ZZZ3: variants seen among roughly 807,000 people sequenced by gnomAD.
ZZZ3 encodes ZZ-type zinc finger-containing protein 3.
Under a neutral mutation model 95.2 loss-of-function variants are expected in ZZZ3, and 22 were observed. The ratio of observed to expected loss-of-function variants is 0.23; its 90% CI spans 0.17 to 0.33. The LOEUF (loss-of-function observed/expected upper bound fraction) is 0.33. ZZZ3 is among the 10% of genes least tolerant of loss of function. The pLI is 1.00. For missense variants in ZZZ3, 885 were observed against 1,066.5 expected (o/e 0.83, Z 2.37); for synonymous variants, 335 against 358.9 (o/e 0.93, Z 0.75).
At position 77,631,936 on chromosome 1, in the gene ZZZ3, G is replaced by C. The variant is rs750203066; in HGVS notation, c.1419C>G (p.Ala473=). The stretch of plus-strand genomic sequence containing the variant: ...CTTCCTCTTCTGTAATGTGCTGACT[G>C]GCACTCTCTTTGGCAGATGGCAAAT... ...IGHLPSAKES[A]SQHITEEEDD... Residue 473 remains alanine (A), a synonymous_variant, in exon 5 of 15, where the codon GCC becomes GCG. Transcript: ENST00000370801. The C allele has an allele frequency of 1.9e-6, 3 of 1,613,892 alleles. No individual in the cohort carries two copies. The highest frequency in any genetic ancestry group is 2.5e-6 in the Non-Finnish European group (3 of 1,179,950).
intron 1 of ZZZ3, among the ~76,000 whole-genome samples, chr1:77,647,724 C>T (rs751252369): frequency 7.2e-5 from 11 of 152,108 alleles, no homozygotes; most frequent in East Asian, 1.9e-4. Context: ...TTTTAACAAT[C>T]GGCTCTCATG....
chr1:77,601,248 G>A (rs563733860), intron 5 of ZZZ3, among the ~76,000 whole-genome samples: 6 of 152,192 alleles, frequency 3.9e-5, no homozygotes, highest in Non-Finnish European at 5.9e-5. Flanking sequence ...CTACCAAACC[G>A]ACTACTAATG....
At chr1:77,628,152 G>A (rs1168507888) in intron 5 of ZZZ3, among the ~76,000 whole-genome samples, 1 of 152,138 alleles carries the variant, frequency 6.6e-6, no homozygotes, top group Non-Finnish European at 1.5e-5. Context: ...GAAACAGAAA[G>A]GGCAATCACA....
chr1:77,607,936 A>G (rs1043288482), intron 5 of ZZZ3, among the ~76,000 whole-genome samples: 1 of 151,196 alleles, frequency 6.6e-6, no homozygotes, highest in Admixed American at 6.6e-5. Context: ...AAAAAAAAAA[A>G]GGAAGGAGGG....
At chr1:77,681,477 TTC>T in intron 1 of ZZZ3, among the ~76,000 whole-genome samples, 1 of 152,326 alleles carries the variant, frequency 6.6e-6, no homozygotes, top group Admixed American at 6.5e-5. Flanking sequence ...GTAAATTCAC[TTC>T]TGAGACATTA....
In ZZZ3 at chr1:77,578,781, G is replaced by T; in HGVS notation, c.2171C>A (p.Ser724Tyr). Reference sequence around the variant, plus strand: ...TCATGTATTTTCTTTTACCTTTTTGGAGTATATATATAAGTTTGGTGTTCT... The same window carrying T: ...TCATGTATTTTCTTTTACCTTTTTGTAGTATATATATAAGTTTGGTGTTCT... ...PGRTPNLYIY[S>Y]KKSSTSRRQH... Residue 724 changes from serine (S) to tyrosine (Y), a missense_variant, in exon 11 of 15, where the codon TCC (serine) becomes TAC (tyrosine). Ser to Tyr is a moderately radical substitution (Grantham distance 144). Around this residue, in one of 5 missense-constraint regions of ZZZ3, gnomAD observed 221 missense variants for 247.8 expected, o/e 0.89. Transcript: ENST00000370801. 3 of 1,515,250 alleles carry T rather than the reference G, an allele frequency of 2.0e-6. No homozygotes were observed. The highest frequency in any genetic ancestry group is 2.5e-5 in the East Asian group (1 of 40,120). The allele number at this position is 1,515,250 out of a possible 1,614,324, so 93.9% of individuals were successfully genotyped here. A position where few individuals can be genotyped will look rare whatever the true frequency, so the allele number is the denominator to read the frequency against.
At chr1:77,652,129 T>C (rs942384882) in intron 1 of ZZZ3, among the ~76,000 whole-genome samples, 2 of 151,276 alleles carry the variant, frequency 1.3e-5, no homozygotes, top group African/African-American at 4.9e-5. Context: ...TACAGATAAA[T>C]GGGGATCATC....
intron 5 of ZZZ3, 151 bp downstream of exon 5, chr1:77,631,699 A>G (rs1667827648): frequency 3.4e-6 from 2 of 580,268 alleles, no homozygotes; most frequent in South Asian, 3.3e-5. Context: ...CTTTTTTTGG[A>G]GTTTTTCTAA....
At chr1:77,629,009 A>C (rs2100829541) in intron 5 of ZZZ3, among the ~76,000 whole-genome samples, 1 of 152,316 alleles carries the variant, frequency 6.6e-6, no homozygotes, top group Admixed American at 6.5e-5. Flanking sequence ...TTAAAACCCA[A>C]GTGCTTTTTA....
chr1:77,599,581 C>T (rs1027671547), intron 5 of ZZZ3, among the ~76,000 whole-genome samples: 13 of 151,988 alleles, frequency 8.6e-5, no homozygotes, highest in Non-Finnish European at 1.6e-4. Flanking sequence ...AGTTAACCTA[C>T]ATCTAAAACT....
chr1:77,587,481 T>G (rs1007071902), intron 5 of ZZZ3, among the ~76,000 whole-genome samples: 99 of 152,048 alleles, frequency 6.5e-4, no homozygotes, highest in African/African-American at 2.3e-3. Flanking sequence ...AGCCAGGATG[T>G]TCTCGATCTC....
chr1:77,632,144 T>C lies in ZZZ3; in HGVS notation c.1211A>G (p.Gln404Arg). 39 of 1,614,190 alleles carry C rather than the reference T, an allele frequency of 2.4e-5. No individual in the cohort carries two copies. Among genetic ancestry groups the C allele is most frequent in the Middle Eastern group, 1.6e-4 (1 of 6,062 alleles). ...KNSSPYRENGQFEENNLSPNE... is the reference protein window; with the variant it reads ...KNSSPYRENGRFEENNLSPNE... Reference sequence around the variant, plus strand: ...AGGACTAAGATTATTCTCCTCAAATTGTCCATTTTCTCTGTAAGGAGAACT... The same window carrying C: ...AGGACTAAGATTATTCTCCTCAAATCGTCCATTTTCTCTGTAAGGAGAACT... The change falls in exon 5 of 15, where the codon CAA becomes CGA. Residue 404 changes from glutamine to arginine, a missense_variant. Gln to Arg is a conservative substitution (Grantham distance 43). Coordinates refer to ENST00000370801, the MANE Select transcript of ZZZ3 (RefSeq NM_015534.6).
intron 11 of ZZZ3, among the ~76,000 whole-genome samples, chr1:77,576,752 C>CACTTGGGCCACACATAAAATACACTA (rs1661989424): frequency 6.6e-6 from 1 of 151,286 alleles, no homozygotes; most frequent in East Asian, 1.9e-4. Flanking sequence ...AAAATACACT[C>CACTTGGGCCACACATAAAATACACTA]ACACTAAAAA....
chr1:77,589,533 G>C (rs1242900676), intron 5 of ZZZ3, among the ~76,000 whole-genome samples: 2 of 151,848 alleles, frequency 1.3e-5, no homozygotes, highest in Non-Finnish European at 2.9e-5. Flanking sequence ...AAACTCCTGG[G>C]CTAAAGTGAT....
Position 77,616,580 on chromosome 1 carries a change from G to A in ZZZ3, c.1505+15270C>T, listed in dbSNP as rs1666335871. On this transcript the variant is annotated intron_variant, in intron 5 of 14. Coordinates refer to ENST00000370801, the MANE Select transcript of ZZZ3 (RefSeq NM_015534.6). ...TCTCTACTGGTAAAAAATTAAAATT[G>A]TCAGCCGGGCGCGGAGGCTCACGCC... Among the ~76,000 whole-genome samples the A allele has an allele frequency of 3.3e-5, 5 of 152,238 alleles. No homozygotes were observed. In the Middle Eastern group the frequency reaches 0.01, roughly 311 times the overall value.
chr1:77,675,390 T>C (rs750538753), intron 1 of ZZZ3, among the ~76,000 whole-genome samples: 13 of 152,136 alleles, frequency 8.5e-5, no homozygotes, highest in Non-Finnish European at 1.6e-4. Context: ...AGAATATAAT[T>C]AGCAACGCTA....
chr1:77,669,695 C>T (rs79214614), intron 1 of ZZZ3, among the ~76,000 whole-genome samples: 9,531 of 151,872 alleles, frequency 0.063, 376 homozygotes, highest in East Asian at 0.18. Flanking sequence ...CAACCTCAGG[C>T]GATGCACCCA....
chr1:77,631,247 A>T (rs1436446880), intron 5 of ZZZ3, among the ~76,000 whole-genome samples: 1 of 152,212 alleles, frequency 6.6e-6, no homozygotes. Flanking sequence ...AGGAAAAGCT[A>T]TGTCAAATGT....
At chr1:77,586,678 A>C (rs1663113067) in intron 5 of ZZZ3, among the ~76,000 whole-genome samples, 4 of 152,224 alleles carry the variant, frequency 2.6e-5, no homozygotes, top group Admixed American at 2.6e-4. Flanking sequence ...TGATTATCAG[A>C]TTGGAAGGCC....
Sources: gnomAD v4.1 joint callset for allele counts (sites outside exome capture counted in the v4.1 genomes callset) on GRCh38, gnomAD v4.1.1 for gene constraint, gnomAD v4.1.1 regional missense constraint, MANE v1.5 for transcripts, NCBI Gene and HGNC (gene_info 2026-07-23, HGNC 2026-07-21) for gene names.